Variants in ALDOA observed in about 807,000 individuals in gnomAD.
ALDOA encodes fructose-bisphosphate aldolase A.
ALDOA carries 26 observed loss-of-function variants against 43.9 expected under a neutral mutation model. That is an observed-to-expected ratio of 0.59 (90% confidence interval 0.43 to 0.82). The LOEUF (loss-of-function observed/expected upper bound fraction) is 0.82, where lower values mean the gene tolerates loss of function less well. ALDOA is among the 40% of genes least tolerant of loss of function. ALDOA has a pLI of 0.00. For missense variants in ALDOA, 498 were observed against 549.5 expected (o/e 0.91, Z 0.94); for synonymous variants, 258 against 222.6 (o/e 1.16, Z -1.42).
At chr16:30,069,177 T>C in intron 6 of ALDOA, 129 bp from the exon 7 acceptor site, 1 of 1,348,150 alleles carries the variant, frequency 7.4e-7, no homozygotes, top group Non-Finnish European at 1.0e-6. Flanking sequence ...TTGTCTCCTG[T>C]AATCTGAGGG....
chr16:30,064,427 C>T, upstream of ALDOA: 2 of 398,726 alleles, frequency 5.0e-6, no homozygotes, highest in East Asian at 7.1e-5. Context: ...CCCACAGGTC[C>T]CTGGCCAAAG....
In ALDOA at chr16:30,067,008, C is replaced by G. The variant is rs750912887; in HGVS notation, c.111C>G (p.Gly37=). Residue 37 remains glycine, a synonymous_variant, in exon 2 of 10, where the codon GGC becomes GGG. Transcript: ENST00000642816. ...GTGGGCAACTCCACCCTCAGCTGGG[C>G]AACACCCAGCACCAGACAGAGTTAG... ...VASGQLHPQL[G]NTQHQTELGK... The G allele has an allele frequency of 1.9e-6, 3 of 1,569,724 alleles. No individual in the cohort carries two copies. In the South Asian group the frequency reaches 3.5e-5, roughly 18 times the overall value.
At position 30,069,360 on chromosome 16, in the gene ALDOA, T is replaced by A. The variant is rs2072232022; in HGVS notation, c.757T>A (p.Leu253Met). 2 of 1,614,054 alleles carry A rather than the reference T, an allele frequency of 1.2e-6. No individual in the cohort carries two copies. Among genetic ancestry groups the A allele is most frequent in the African/African-American group, 2.7e-5 (2 of 74,924 alleles). Residue 253 changes from leucine (L) to methionine (M), a missense_variant, in exon 7 of 10, where the codon TTG becomes ATG. Physicochemically the swap from Leu to Met is conservative, Grantham distance 15 (BLOSUM62 2). Coordinates refer to ENST00000642816, the MANE Select transcript of ALDOA (RefSeq NM_001243177.4). Reference sequence around the variant, plus strand: ...GATCCTCCCTGATGGGGACCATGACTTGAAGCGCTGCCAGTATGTGACCGA... The same window carrying A: ...GATCCTCCCTGATGGGGACCATGACATGAAGCGCTGCCAGTATGTGACCGA... ...PEILPDGDHD[L>M]KRCQYVTEKV...
chr16:30,068,899 T>C lies in ALDOA; in HGVS notation c.623T>C (p.Ile208Thr). 6.2e-7 allele frequency: 1 copy of C among 1,614,186 alleles called. No homozygotes were observed. The highest frequency in any genetic ancestry group is 8.5e-7 in the Non-Finnish European group (1 of 1,180,034). ...DFAKWRCVLKIGEHTPSALAI... is the reference protein window; with the variant it reads ...DFAKWRCVLKTGEHTPSALAI... ...GCCAAGTGGCGTTGTGTGCTGAAGA[T>C]TGGGGAACACACCCCCTCAGCCCTC... The change falls in exon 6 of 10, where the codon ATT becomes ACT. Residue 208 changes from isoleucine (I) to threonine (T), a missense_variant. Ile to Thr is a moderately conservative substitution (Grantham distance 89). Transcript: ENST00000642816.
chr16:30,070,213 G>T lies in ALDOA; in HGVS notation c.*1G>T. On this transcript the variant is annotated 3_prime_UTR_variant, in exon 10 of 10. Coordinates refer to ENST00000642816, the MANE Select transcript of ALDOA (RefSeq NM_001243177.4). ...CTTCGTCTCTAACCACGCCTATTAA[G>T]CGGAGGTGTTCCCAGGCTGCCCCCA... is the stretch of plus-strand genomic sequence containing the variant. 1 of 1,614,106 alleles carries T rather than the reference G, an allele frequency of 6.2e-7. No homozygotes were observed.
chr16:30,069,166 C>G (rs1837328606), intron 6 of ALDOA, 140 bp from the exon 7 acceptor site: 2 of 1,332,224 alleles, frequency 1.5e-6, no homozygotes, highest in Non-Finnish European at 2.1e-6. Context: ...TGAGGCGGCT[C>G]TTGTCTCCTG....
In ALDOA at chr16:30,068,960, T is replaced by C. The variant is rs1596813728; in HGVS notation, c.684T>C (p.Tyr228=). The change falls in exon 6 of 10, where the codon TAT becomes TAC. Residue 228 remains tyrosine (Y), a synonymous_variant. Coordinates refer to ENST00000642816, the MANE Select transcript of ALDOA (RefSeq NM_001243177.4). Reference sequence around the variant, plus strand: ...AAAATGCCAATGTTCTGGCCCGTTATGCCAGTATCTGCCAGCAGGTGGGCC... The same window carrying C: ...AAAATGCCAATGTTCTGGCCCGTTACGCCAGTATCTGCCAGCAGGTGGGCC... ...IMENANVLAR[Y]ASICQQNGIV... The C allele has an allele frequency of 8.1e-6, 13 of 1,614,248 alleles. No homozygotes were observed. The Admixed American group carries it at 8.3e-5, about 10-fold the overall frequency.
At chr16:30,067,801 G>A (rs1235012079) in intron 4 of ALDOA, 140 bp downstream of exon 4, 5 of 933,338 alleles carry the variant, frequency 5.4e-6, no homozygotes, top group Admixed American at 4.0e-5. Flanking sequence ...GCATTTACTC[G>A]ACATTTTTAA....
chr16:30,068,419 T>G, intron 4 of ALDOA: 3 of 602,276 alleles, frequency 5.0e-6, no homozygotes, highest in Admixed American at 2.6e-5. Flanking sequence ...AGCCCTGAGA[T>G]GCAGTTTAAG....
Position 30,068,862 on chromosome 16 carries a change from G to A in ALDOA, c.586G>A (p.Gly196Arg), listed in dbSNP as rs1386172871. ...GCGCTGTGCCCAGTACAAGAAGGAC[G>A]GAGCTGACTTCGCCAAGTGGCGTTG... The part of the protein sequence containing the change: ...SERCAQYKKD[G>R]ADFAKWRCVL... Residue 196 changes from glycine to arginine, a missense_variant, in exon 6 of 10, where the codon GGA becomes AGA. Coordinates refer to ENST00000642816, the MANE Select transcript of ALDOA (RefSeq NM_001243177.4). The A allele has an allele frequency of 1.9e-6, 3 of 1,614,244 alleles. No homozygotes were observed. The highest frequency in any genetic ancestry group is 4.5e-5 in the East Asian group (2 of 44,884).
rs1567321072 is a variant in ALDOA at position 30,065,792 on chromosome 16, AATC to A, written c.-148_-146del. On this transcript the variant is annotated 5_prime_UTR_variant, in exon 1 of 10. Coordinates refer to ENST00000642816, the MANE Select transcript of ALDOA (RefSeq NM_001243177.4). Reference sequence around the variant, plus strand: ...TCCTGCGCCGCCCCTTCCGAGGCTAAATCGGCTGCGTTCCTCTCGGAACGCGCC... The same window carrying A: ...TCCTGCGCCGCCCCTTCCGAGGCTAAGGCTGCGTTCCTCTCGGAACGCGCC... The A allele has an allele frequency of 2.6e-5, 4 of 152,640 alleles. No homozygotes were observed. The highest frequency in any genetic ancestry group is 5.9e-5 in the Non-Finnish European group (4 of 68,070). 9.5% of individuals were successfully genotyped at this position (152,640 alleles called of 1,614,324 possible).
chr16:30,066,748 T>G, intron 1 of ALDOA, 137 bp from the exon 2 acceptor site: 1 of 939,542 alleles, frequency 1.1e-6, no homozygotes, highest in South Asian at 1.8e-5. Context: ...TAATCTCAGA[T>G]CTGGCTCCGG....
In ALDOA at chr16:30,069,863, A is replaced by T. The variant is rs771967749; in HGVS notation, c.995A>T (p.Glu332Val). The change falls in exon 9 of 10, where the codon GAG becomes GTG. Residue 332 changes from glutamate to valine, a missense_variant. Glu to Val is a moderately radical substitution (Grantham distance 121, BLOSUM62 -2). Transcript: ENST00000642816. Reference sequence around the variant, plus strand: ...TTCCTGTCTGGAGGCCAGAGTGAGGAGGAGGCGTCCATCAACCTCAATGCC... The same window carrying T: ...TTCCTGTCTGGAGGCCAGAGTGAGGTGGAGGCGTCCATCAACCTCAATGCC... Reference protein sequence around the residue: ...ITFLSGGQSEEEASINLNAIN... With the variant: ...ITFLSGGQSEVEASINLNAIN... 1 of 1,614,116 alleles carries T rather than the reference A, an allele frequency of 6.2e-7. No individual in the cohort carries two copies. Among genetic ancestry groups the T allele is most frequent in the Non-Finnish European group, 8.5e-7 (1 of 1,180,010 alleles).
Position 30,069,832 on chromosome 16 carries a change from A to G in ALDOA, c.964A>G (p.Ile322Val). ...RRTVPPAVTG[I>V]TFLSGGQSEE... ...CTCGCCTCACCCCTGCTCTACAGGG[A>G]TCACCTTCCTGTCTGGAGGCCAGAG... Residue 322 changes from isoleucine to valine, a missense_variant and splice_region_variant, in exon 9 of 10, where the codon ATC becomes GTC. Transcript: ENST00000642816. 1 of 1,613,998 alleles carries G rather than the reference A, an allele frequency of 6.2e-7. No homozygotes were observed. Among genetic ancestry groups the G allele is most frequent in the Non-Finnish European group, 8.5e-7 (1 of 1,179,992 alleles).
upstream of ALDOA, chr16:30,064,735 G>C (rs1224742403): frequency 5.9e-6 from 2 of 341,460 alleles, no homozygotes; most frequent in Non-Finnish European, 1.0e-5. Flanking sequence ...GGAACCCCTA[G>C]CTCACTCGCT....
chr16:30,066,288 G>A (rs985961726), intron 1 of ALDOA: 1 of 152,524 alleles, frequency 6.6e-6, no homozygotes. Flanking sequence ...TCGCAAGTGG[G>A]AGCTTGGTTT....
Position 30,067,048 on chromosome 16 carries a change from C to T in ALDOA, c.141+10C>T, listed in dbSNP as rs1169799515. The T allele has an allele frequency of 6.3e-7, 1 of 1,575,898 alleles. No homozygotes were observed. Among genetic ancestry groups the T allele is most frequent in the African/African-American group, 1.4e-5 (1 of 73,928 alleles). ...GACAGAGTTAGGAAAGGTACAGGGG[C>T]AGGCCTAGCAAAGGGAAGTTGGGCG... On this transcript the variant is annotated intron_variant, in intron 2 of 9. Coordinates refer to ENST00000642816, the MANE Select transcript of ALDOA (RefSeq NM_001243177.4).
intron 2 of ALDOA, 96 bp downstream of exon 2, chr16:30,067,134 A>G: frequency 6.3e-7 from 1 of 1,582,736 alleles, no homozygotes; most frequent in Non-Finnish European, 8.6e-7. Flanking sequence ...CAGGGGAGGT[A>G]GGGAACATTT....
rs749324629 is a variant in ALDOA, at chr16:30,070,311, G to A, written c.*99G>A. On this transcript the variant is annotated 3_prime_UTR_variant, in exon 10 of 10. Transcript: ENST00000642816. Reference sequence around the variant, plus strand: ...CTCGGGGCTCCAGGCTGGCTTGCCCGCGCTCTTTCTTCCCTCGTGACAGTG... The same window carrying A: ...CTCGGGGCTCCAGGCTGGCTTGCCCACGCTCTTTCTTCCCTCGTGACAGTG... 1.2e-4 allele frequency: 139 copies of A among 1,175,846 alleles called. No homozygotes were observed. The highest frequency in any genetic ancestry group is 5.0e-4 in the Admixed American group (28 of 55,680). 72.8% of individuals were successfully genotyped at this position (1,175,846 alleles called of 1,614,324 possible).
Sources: gnomAD v4.1 joint callset for allele counts on GRCh38, gnomAD v4.1.1 for gene constraint, MANE v1.5 for transcripts, NCBI Gene and HGNC (gene_info 2026-07-23, HGNC 2026-07-21) for gene names.